SCGB1D2: variants seen among roughly 807,000 people sequenced by gnomAD.
SCGB1D2 encodes the protein lipophilin-B.
A neutral mutation model predicts 10.5 loss-of-function variants in SCGB1D2; 10 were observed. The observed-to-expected ratio is 0.95, with a 90% CI of 0.59 to 1.61. SCGB1D2 has a LOEUF of 1.61. Ranked by LOEUF, SCGB1D2 falls within the 40% of genes most tolerant of loss-of-function variation. SCGB1D2 has a pLI of 0.00. For synonymous variants in SCGB1D2, 42 were observed against 42.8 expected (o/e 0.98, Z 0.08); for missense variants, 113 against 103.8 (o/e 1.09, Z -0.38).
chr11:62,244,778 C>G lies in SCGB1D2; in HGVS notation c.*79C>G. ...TCACTGCAGAATGTAAAGGTTTCAA[C>G]GTCTTGCTTTAATAAATCACTTGCT... On this transcript the variant is annotated 3_prime_UTR_variant, in exon 3 of 3. Coordinates refer to ENST00000244926, the MANE Select transcript of SCGB1D2 (RefSeq NM_006551.4). 8.0e-7 allele frequency: 1 copy of G among 1,243,678 alleles called. No homozygotes were observed. The highest frequency in any genetic ancestry group is 1.2e-6 in the Non-Finnish European group (1 of 854,398). The allele number at this position is 1,243,678 out of a possible 1,614,324, so 77.0% of individuals were successfully genotyped here.
Position 62,244,710 on chromosome 11 carries a change from C to G in SCGB1D2, c.*11C>G. The G allele has an allele frequency of 6.2e-7, 1 of 1,610,296 alleles. No homozygotes were observed. On this transcript the variant is annotated 3_prime_UTR_variant, in exon 3 of 3. Transcript: ENST00000244926. ...AAATGTAGTGTGTGACATGTAAAAA[C>G]TTTCATCCTGGTTTCCACTGTCTTT... is the stretch of plus-strand genomic sequence containing the variant.
chr11:62,243,157 T>G, intron 1 of SCGB1D2, 132 bp from the exon 2 acceptor site: 1 of 655,510 alleles, frequency 1.5e-6, no homozygotes, highest in East Asian at 2.7e-5. Context: ...CTGAAGGGTC[T>G]GGCATTGTCA....
chr11:62,243,418 T>C lies in SCGB1D2; in HGVS notation c.185T>C (p.Val62Ala), dbSNP rs929245715. Residue 62 changes from valine (V) to alanine (A), a missense_variant, in exon 2 of 3, where the codon GTG becomes GCG. Val to Ala is a moderately conservative substitution (Grantham distance 64). Coordinates refer to ENST00000244926, the MANE Select transcript of SCGB1D2 (RefSeq NM_006551.4). The stretch of plus-strand genomic sequence containing the variant: ...GAAGCTGTTGCAGCCAAGTTAGGAG[T>C]GAAGAGATGCACGGATCAGATGTCC... ...PPEAVAAKLG[V>A]KRCTDQMSLQ... 1.9e-6 allele frequency: 3 copies of C among 1,613,888 alleles called. No homozygotes were observed. The highest frequency in any genetic ancestry group is 1.3e-5 in the African/African-American group (1 of 74,888).
In SCGB1D2 at chr11:62,242,284, GAGCTCAC is replaced by G. The variant is rs1460897448; in HGVS notation, c.-20_-14del. The G allele has an allele frequency of 6.2e-7, 1 of 1,613,690 alleles. No homozygotes were observed. The highest frequency in any genetic ancestry group is 1.7e-5 in the Admixed American group (1 of 60,010). On this transcript the variant is annotated 5_prime_UTR_variant, in exon 1 of 3. Transcript: ENST00000244926. ...AAATCACTCATTGTTTGTGAAAGCTGAGCTCACAGCAAAACAAGCCACCATGAAGCTG... is the reference window on the plus strand; with the variant it reads ...AAATCACTCATTGTTTGTGAAAGCTGAGCAAAACAAGCCACCATGAAGCTG...
At chr11:62,244,568 T>A in intron 2 of SCGB1D2, 102 bp from the exon 3 acceptor site, 1 of 1,055,162 alleles carries the variant, frequency 9.5e-7, no homozygotes. Context: ...GCCCTTCCAA[T>A]TGCCTTTGGG....
At chr11:62,243,626 G>A in intron 2 of SCGB1D2, 150 bp downstream of exon 2, 1 of 657,468 alleles carries the variant, frequency 1.5e-6, no homozygotes, top group South Asian at 2.3e-5. Flanking sequence ...CACAGGGTGG[G>A]TGCCACCATT....
Position 62,244,726 on chromosome 11 carries a change from C to A in SCGB1D2, c.*27C>A. 1 of 1,594,196 alleles carries A rather than the reference C, an allele frequency of 6.3e-7. No homozygotes were observed. Among genetic ancestry groups the A allele is most frequent in the Non-Finnish European group, 8.6e-7 (1 of 1,162,388 alleles). ...ATGTAAAAACTTTCATCCTGGTTTC[C>A]ACTGTCTTTCAATGACACCCTGATC... On this transcript the variant is annotated 3_prime_UTR_variant, in exon 3 of 3. Coordinates refer to ENST00000244926, the MANE Select transcript of SCGB1D2 (RefSeq NM_006551.4).
chr11:62,244,052 C>T (rs1315168764), intron 2 of SCGB1D2, among the ~76,000 whole-genome samples: 1 of 152,126 alleles, frequency 6.6e-6, no homozygotes, highest in Non-Finnish European at 1.5e-5. Flanking sequence ...GCCAGTCGTC[C>T]AAGACCCTAG....
At chr11:62,242,664 G>A (rs1276496522) in intron 1 of SCGB1D2, among the ~76,000 whole-genome samples, 3 of 152,154 alleles carry the variant, frequency 2.0e-5, no homozygotes, top group African/African-American at 2.4e-5. Context: ...TCTGGGATCC[G>A]CCACTTCCCA....
intron 2 of SCGB1D2, among the ~76,000 whole-genome samples, 163 bp downstream of exon 2, chr11:62,243,639 A>G (rs1245114430): frequency 1.3e-5 from 2 of 152,064 alleles, no homozygotes; most frequent in Admixed American, 6.5e-5. Context: ...CCACCATTTC[A>G]CCTGCAGAAT....
chr11:62,244,595 C>T, intron 2 of SCGB1D2, 75 bp from the exon 3 acceptor site: 1 of 1,359,622 alleles, frequency 7.4e-7, no homozygotes, highest in Non-Finnish European at 1.0e-6. Flanking sequence ...ATCCCACTGG[C>T]CTCTTGGATG....
At chr11:62,243,893 G>A (rs1026077265) in intron 2 of SCGB1D2, among the ~76,000 whole-genome samples, 1 of 152,164 alleles carries the variant, frequency 6.6e-6, no homozygotes, top group African/African-American at 2.4e-5. Flanking sequence ...GGGAGAGGAA[G>A]GCAGGGAGGG....
At chr11:62,243,775 G>A (rs1186802647) in intron 2 of SCGB1D2, among the ~76,000 whole-genome samples, 1 of 152,170 alleles carries the variant, frequency 6.6e-6, no homozygotes, top group African/African-American at 2.4e-5. Context: ...ATGGTAAAGG[G>A]CCAAGCATGG....
rs757859052 is a variant in SCGB1D2 at position 62,244,745 on chromosome 11, C to G, written c.*46C>G. 3.3e-6 allele frequency: 5 copies of G among 1,508,270 alleles called. No individual in the cohort carries two copies. The South Asian group carries it at 5.7e-5, about 17-fold the overall frequency. 93.4% of individuals were successfully genotyped at this position (1,508,270 alleles called of 1,614,324 possible). A position where few individuals can be genotyped will look rare whatever the true frequency, so the allele number is the denominator to read the frequency against. ...GGTTTCCACTGTCTTTCAATGACAC[C>G]CTGATCTTCACTGCAGAATGTAAAG... On this transcript the variant is annotated 3_prime_UTR_variant, in exon 3 of 3. Transcript: ENST00000244926.
chr11:62,244,521 T>C lies in SCGB1D2; in HGVS notation c.244-149T>C. 17 of 680,088 alleles carry C rather than the reference T, an allele frequency of 2.5e-5. 1 individual carries two copies. In the South Asian group the frequency reaches 3.1e-4, roughly 12 times the overall value. The allele number at this position is 680,088 out of a possible 1,614,324, so 42.1% of individuals were successfully genotyped here. ...GCATGGGTGCTGTGAGGCCACCAGG[T>C]CTAGGCCTCAGTTTCCCAAACTGAG... On this transcript the variant is annotated intron_variant, in intron 2 of 2. Transcript: ENST00000244926.
In SCGB1D2 at chr11:62,244,691, A is replaced by T; in HGVS notation, c.265A>T (p.Ser89Cys). Reference protein sequence around the residue: ...EVLVKILKKCSV With the variant: ...EVLVKILKKCCV ...TTAGGTGAAAATATTGAAGAAATGT[A>T]GTGTGTGACATGTAAAAACTTTCAT... Residue 89 changes from serine (S) to cysteine (C), a missense_variant, in exon 3 of 3, where the codon AGT becomes TGT. By Grantham distance (112) the Ser-to-Cys change is moderately radical. Coordinates refer to ENST00000244926, the MANE Select transcript of SCGB1D2 (RefSeq NM_006551.4). 6.2e-7 allele frequency: 1 copy of T among 1,613,140 alleles called. No individual in the cohort carries two copies. Among genetic ancestry groups the T allele is most frequent in the East Asian group, 2.2e-5 (1 of 44,866 alleles).
chr11:62,242,974 C>T (rs1021639418), intron 1 of SCGB1D2, among the ~76,000 whole-genome samples: 3 of 152,142 alleles, frequency 2.0e-5, no homozygotes, highest in African/African-American at 7.2e-5. Context: ...CACCAGTAGT[C>T]TCAGCTACTT....
rs756251405 is a variant in SCGB1D2 at position 62,242,363 on chromosome 11, G to T, written c.55+1G>T. 1.2e-6 allele frequency: 2 copies of T among 1,614,020 alleles called. No individual in the cohort carries two copies. Among genetic ancestry groups the T allele is most frequent in the Non-Finnish European group, 1.7e-6 (2 of 1,179,918 alleles). On this transcript the variant is annotated splice_donor_variant, in intron 1 of 2. Coordinates refer to ENST00000244926, the MANE Select transcript of SCGB1D2 (RefSeq NM_006551.4). LOFTEE classifies it high-confidence loss of function. ...ACGCTGGCCCTCTGCTGCTACCAGG[G>T]TGAGTACATCAGTCATGAGTCTAGC... is the stretch of plus-strand genomic sequence containing the variant.
At position 62,244,781 on chromosome 11, in the gene SCGB1D2, C is replaced by T. The variant is rs964678382; in HGVS notation, c.*82C>T. The T allele has an allele frequency of 2.1e-5, 26 of 1,225,834 alleles. No homozygotes were observed. Among genetic ancestry groups the T allele is most frequent in the Non-Finnish European group, 2.9e-5 (24 of 838,656 alleles). The allele number at this position is 1,225,834 out of a possible 1,614,324, so 75.9% of individuals were successfully genotyped here. On this transcript the variant is annotated 3_prime_UTR_variant, in exon 3 of 3. Coordinates refer to ENST00000244926, the MANE Select transcript of SCGB1D2 (RefSeq NM_006551.4). ...CTGCAGAATGTAAAGGTTTCAACGT[C>T]TTGCTTTAATAAATCACTTGCTCTC... is the stretch of plus-strand genomic sequence containing the variant.
Sources: gnomAD v4.1 joint callset for allele counts (sites outside exome capture counted in the v4.1 genomes callset) on GRCh38, gnomAD v4.1.1 for gene constraint, MANE v1.5 for transcripts, NCBI Gene and HGNC (gene_info 2026-07-23, HGNC 2026-07-21) for gene names.